Variants in DLC1 observed in about 807,000 individuals in gnomAD.
DLC1 encodes the protein DLC1 Rho GTPase activating protein.
DLC1 carries 54 observed loss-of-function variants against 140.3 expected under a neutral mutation model. That is an observed-to-expected ratio of 0.38 (90% CI 0.31 to 0.48). The LOEUF (loss-of-function observed/expected upper bound fraction) is 0.48. DLC1 is among the 20% of genes least tolerant of loss of function. DLC1 has a pLI of 0.96. For synonymous variants in DLC1, 986 were observed against 728.1 expected, an observed-to-expected ratio of 1.35 and a Z score of -5.70; for missense variants, 2,536 against 1,907.0, an observed-to-expected ratio of 1.33 and a Z score of -6.14.
chr8:13,213,701 A>G (rs1828055900), intron 5 of DLC1, among the ~76,000 whole-genome samples: 2 of 152,074 alleles, frequency 1.3e-5, no homozygotes, highest in African/African-American at 4.8e-5. Context: ...TATGGACCCA[A>G]CTGTACAATA....
intron 5 of DLC1, among the ~76,000 whole-genome samples, chr8:13,231,397 C>G (rs1159555356): frequency 6.6e-6 from 1 of 152,134 alleles, no homozygotes; most frequent in East Asian, 1.9e-4. Context: ...ATTACCAAAC[C>G]TTATTCTTCT....
At chr8:13,134,446 AC>A (rs943412468) in intron 5 of DLC1, among the ~76,000 whole-genome samples, 22 of 152,222 alleles carry the variant, frequency 1.4e-4, no homozygotes, top group Non-Finnish European at 3.1e-4. Flanking sequence ...TGCATAACAA[AC>A]AAAATAAATG....
intron 4 of DLC1, among the ~76,000 whole-genome samples, chr8:13,307,898 A>G (rs1446955604): frequency 6.6e-6 from 1 of 152,234 alleles, no homozygotes; most frequent in Non-Finnish European, 1.5e-5. Context: ...TTATTTTGAA[A>G]TGAAGGAGGA....
intron 1 of DLC1, among the ~76,000 whole-genome samples, chr8:13,570,093 C>A (rs1249228277): frequency 6.6e-6 from 1 of 152,162 alleles, no homozygotes; most frequent in Non-Finnish European, 1.5e-5. Flanking sequence ...CAAAACAAAA[C>A]TCTAAGTTGT....
intron 4 of DLC1, among the ~76,000 whole-genome samples, chr8:13,385,153 A>C (rs1347717293): frequency 6.6e-6 from 1 of 152,144 alleles, no homozygotes; most frequent in Non-Finnish European, 1.5e-5. Context: ...GCTTGTTTGC[A>C]TCATTCTCTG....
chr8:13,148,516 C>T lies in DLC1; in HGVS notation c.1349-32859G>A, dbSNP rs367818291. 6.6e-5 allele frequency among the ~76,000 whole-genome samples: 10 copies of T among 152,256 alleles called. No individual in the cohort carries two copies. The East Asian group carries it at 9.7e-4, about 15-fold the overall frequency. ...CATGGAGCACACACAATTTTGATTT[C>T]GTGGCCACTAACAGCTATGCAGGGC... On this transcript the variant is annotated intron_variant, in intron 5 of 17. Transcript: ENST00000276297.
chr8:13,424,583 T>C (rs969832494), intron 2 of DLC1, among the ~76,000 whole-genome samples: 1 of 152,156 alleles, frequency 6.6e-6, no homozygotes, highest in African/African-American at 2.4e-5. Context: ...TAATTTTTTT[T>C]TCTTTCTGAG....
At chr8:13,494,713 G>A (rs1376499880) in intron 2 of DLC1, among the ~76,000 whole-genome samples, 1 of 152,164 alleles carries the variant, frequency 6.6e-6, no homozygotes, top group Non-Finnish European at 1.5e-5. Flanking sequence ...CACTTTGGGA[G>A]GCTGAGGCAG....
intron 12 of DLC1, among the ~76,000 whole-genome samples, 169 bp from the exon 13 acceptor site, chr8:13,092,994 C>A (rs1395566761): frequency 1.3e-5 from 2 of 152,106 alleles, no homozygotes; most frequent in African/African-American, 4.8e-5. Flanking sequence ...TTGCCACCGG[C>A]GTCACTATCC....
chr8:13,456,517 G>T (rs938125889), intron 2 of DLC1, among the ~76,000 whole-genome samples: 1 of 151,808 alleles, frequency 6.6e-6, no homozygotes, highest in African/African-American at 2.4e-5. Flanking sequence ...TGGAGCGCAG[G>T]GCTGGATCCC....
exon 1 of DLC1, chr8:13,604,564 G>A (rs534637741): frequency 1.3e-5 from 2 of 152,294 alleles, no homozygotes; most frequent in Admixed American, 6.5e-5. Context: ...TTATTCCAAA[G>A]CAGAGTAGAG....
At chr8:13,225,339 A>T (rs140230507) in intron 5 of DLC1, among the ~76,000 whole-genome samples, 12 of 152,292 alleles carry the variant, frequency 7.9e-5, no homozygotes, top group African/African-American at 2.9e-4. Context: ...TTTCCCAGTT[A>T]AGTCAAGAGA....
At chr8:13,586,735 A>T (rs1805332039) in intron 1 of DLC1, among the ~76,000 whole-genome samples, 2 of 152,138 alleles carry the variant, frequency 1.3e-5, no homozygotes, top group South Asian at 2.1e-4. Flanking sequence ...ACAATATCAC[A>T]ACCAGAATGT....
intron 2 of DLC1, among the ~76,000 whole-genome samples, chr8:13,482,900 G>A (rs1585183703): frequency 1.3e-5 from 2 of 152,202 alleles, no homozygotes; most frequent in Admixed American, 1.3e-4. Flanking sequence ...TGTCTTCAAG[G>A]AATTTACAGT....
intron 5 of DLC1, among the ~76,000 whole-genome samples, chr8:13,194,351 T>A (rs555174288): frequency 6.6e-6 from 1 of 152,330 alleles, no homozygotes; most frequent in South Asian, 2.1e-4. Context: ...TGGGCAGCTA[T>A]GAATCATCCC....
intron 17 of DLC1, 85 bp from the exon 18 acceptor site, chr8:13,086,016 C>T (rs1817526497): frequency 6.4e-6 from 10 of 1,554,848 alleles, no homozygotes; most frequent in Non-Finnish European, 8.7e-6. Context: ...TTTGCTAGTT[C>T]AAATGCATAA....
intron 1 of DLC1, among the ~76,000 whole-genome samples, chr8:13,521,449 C>T (rs1334734368): frequency 6.6e-6 from 1 of 152,062 alleles, no homozygotes. Flanking sequence ...GGCTTAGAGC[C>T]CACAGTCTTC....
intron 2 of DLC1, among the ~76,000 whole-genome samples, chr8:13,486,989 C>A (rs769389897): frequency 1.3e-5 from 2 of 152,146 alleles, no homozygotes; most frequent in Non-Finnish European, 2.9e-5. Context: ...GTCCCATCTC[C>A]CTGTGCTTCT....
intron 5 of DLC1, among the ~76,000 whole-genome samples, chr8:13,198,829 GC>G (rs1402438956): frequency 6.6e-6 from 1 of 151,394 alleles, no homozygotes; most frequent in African/African-American, 2.4e-5. Context: ...CGATTCTCCT[GC>G]CTCAGCCTCC....
Sources: gnomAD v4.1 joint callset for allele counts (sites outside exome capture counted in the v4.1 genomes callset) on GRCh38, gnomAD v4.1.1 for gene constraint, MANE v1.5 for transcripts, NCBI Gene and HGNC (gene_info 2026-07-23, HGNC 2026-07-21) for gene names.